Variants in SNIP1 observed in about 807,000 individuals in gnomAD.
SNIP1 encodes Smad nuclear interacting protein 1, also known as smad nuclear-interacting protein 1.
SNIP1 carries 23 observed loss-of-function variants against 37.4 expected under a neutral mutation model. That is an observed-to-expected ratio of 0.61 (90% CI 0.44 to 0.87). The LOEUF (loss-of-function observed/expected upper bound fraction) is 0.87, where lower values mean the gene tolerates loss of function less well. Among genes scored for constraint, SNIP1 ranks in the 40% least tolerant of loss-of-function variants. The pLI is 0.00. For missense variants in SNIP1, 459 were observed against 540.4 expected (o/e 0.85, Z 1.49); for synonymous variants, 174 against 200.0 (o/e 0.87, Z 1.10).
chr1:37,550,703 G>A (rs908748449), intron 2 of SNIP1, among the ~76,000 whole-genome samples: 2 of 150,436 alleles, frequency 1.3e-5, no homozygotes, highest in African/African-American at 2.4e-5. Flanking sequence ...GTGAAACTCC[G>A]TCTCAAAAAA....
chr1:37,543,914 G>C (rs977030767), intron 2 of SNIP1, among the ~76,000 whole-genome samples: 2 of 152,114 alleles, frequency 1.3e-5, no homozygotes, highest in Non-Finnish European at 2.9e-5. Context: ...GGCAAGGGGG[G>C]GGGCAGGTCA....
chr1:37,534,450 G>T lies in SNIP1; in HGVS notation c.*3298C>A, dbSNP rs1012822020. 6.6e-6 allele frequency: 1 copy of T among 152,196 alleles called. No homozygotes were observed. The highest frequency in any genetic ancestry group is 2.4e-5 in the African/African-American group (1 of 41,452). 9.4% of individuals were successfully genotyped at this position (152,196 alleles called of 1,614,324 possible). A position where few individuals can be genotyped will look rare whatever the true frequency, so the allele number is the denominator to read the frequency against. On this transcript the variant is annotated 3_prime_UTR_variant, in exon 4 of 4. Transcript: ENST00000296215. ...GGAAATTTTACCCAAGAGACCAAAT[G>T]AAGCTTTACATTCCAAAACTTTAAT...
At chr1:37,545,268 C>T in intron 2 of SNIP1, 1 of 637,038 alleles carries the variant, frequency 1.6e-6, no homozygotes, top group Non-Finnish European at 2.9e-6. Context: ...CTCTGACAAG[C>T]ACACCCCGGG....
intron 2 of SNIP1, among the ~76,000 whole-genome samples, chr1:37,543,908 A>AGGGG (rs758291801): frequency 2.7e-5 from 4 of 148,828 alleles, no homozygotes; most frequent in African/African-American, 9.9e-5. Context: ...TGGGAGGGCA[A>AGGGG]GGGGGGGGGC....
Position 37,554,286 on chromosome 1 carries a change from GA to G in SNIP1, c.-58del. ...ATCAGTTGAGCTCCTCTAGCTGGAG[GA>G]AATGACGAGTTTAACTCCTGGACTT... On this transcript the variant is annotated 5_prime_UTR_variant, in exon 1 of 4. Coordinates refer to ENST00000296215, the MANE Select transcript of SNIP1 (RefSeq NM_024700.4). 3 of 1,508,650 alleles carry G rather than the reference GA, an allele frequency of 2.0e-6. No homozygotes were observed. The highest frequency in any genetic ancestry group is 1.8e-6 in the Non-Finnish European group (2 of 1,122,114). 93.5% of individuals were successfully genotyped at this position (1,508,650 alleles called of 1,614,324 possible).
chr1:37,544,736 C>T (rs183094440), intron 2 of SNIP1: 55 of 652,142 alleles, frequency 8.4e-5, no homozygotes, highest in African/African-American at 5.7e-4. Flanking sequence ...GTGCAGCCAC[C>T]GCCGCACAGC....
Position 37,535,182 on chromosome 1 carries a change from C to T in SNIP1, c.*2566G>A. 8.0e-6 allele frequency: 1 copy of T among 124,732 alleles called. No individual in the cohort carries two copies. 7.7% of individuals were successfully genotyped at this position (124,732 alleles called of 1,614,324 possible). A position where few individuals can be genotyped will look rare whatever the true frequency, so the allele number is the denominator to read the frequency against. ...GTCAGGAGTTCGAGACCAGCCTGGC[C>T]AATATGGTGAAACCCCATCTCTACT... On this transcript the variant is annotated 3_prime_UTR_variant, in exon 4 of 4. Transcript: ENST00000296215.
chr1:37,552,545 C>T, intron 2 of SNIP1, 100 bp downstream of exon 2: 1 of 983,882 alleles, frequency 1.0e-6, no homozygotes, highest in Admixed American at 1.8e-5. Flanking sequence ...AGCGTACGTG[C>T]ACATGTGTGC....
rs777731163 is a variant in SNIP1, at chr1:37,540,432, CTCTT to C, written c.647_650del (p.Lys216ArgfsTer26). 6.2e-7 allele frequency: 1 copy of C among 1,614,108 alleles called. No individual in the cohort carries two copies. Among genetic ancestry groups the C allele is most frequent in the Admixed American group, 1.7e-5 (1 of 60,004 alleles). Reference sequence around the variant, plus strand: ...AGCTTGGTTTTTCTTTAGCGGGCACCTCTTTTTCTTTGTTGTTGCCACCAGGCCG... The same window carrying C: ...AGCTTGGTTTTTCTTTAGCGGGCACCTTTCTTTGTTGTTGCCACCAGGCCG... On this transcript the variant is annotated frameshift_variant, in exon 3 of 4. Transcript: ENST00000296215. LOFTEE classifies it high-confidence loss of function. The surrounding 1 kb of genome is among the most constrained non-coding windows in gnomAD (Gnocchi z 5.6).
intron 2 of SNIP1, chr1:37,545,432 T>G (rs546570441): frequency 2.9e-6 from 1 of 345,258 alleles, no homozygotes; most frequent in Non-Finnish European, 5.5e-6. Context: ...TTTGTACCAT[T>G]CCTTCAAATA....
At chr1:37,541,952 T>C (rs572307707) in intron 2 of SNIP1, among the ~76,000 whole-genome samples, 2 of 145,662 alleles carry the variant, frequency 1.4e-5, no homozygotes, top group Admixed American at 1.4e-4. Context: ...AATTTCACAA[T>C]AGAAGATTCA....
At chr1:37,545,420 G>T in intron 2 of SNIP1, 2 of 367,966 alleles carry the variant, frequency 5.4e-6, no homozygotes, top group African/African-American at 2.2e-5. Flanking sequence ...CACTTAAGCT[G>T]ATTTGTACCA....
chr1:37,545,461 C>T (rs1486536655), intron 2 of SNIP1, among the ~76,000 whole-genome samples: 22 of 146,424 alleles, frequency 1.5e-4, no homozygotes, highest in Non-Finnish European at 2.8e-4. Context: ...TGGTACCCCC[C>T]GCCCCCACCA....
chr1:37,540,336 G>C lies in SNIP1; in HGVS notation c.747C>G (p.Pro249=), dbSNP rs776438133. Residue 249 remains proline (P), a synonymous_variant, in exon 3 of 4, where the codon CCC becomes CCG. Coordinates refer to ENST00000296215, the MANE Select transcript of SNIP1 (RefSeq NM_024700.4). This position sits in a 1 kb window ranked among gnomAD's most constrained non-coding sequence, Gnocchi z 5.6. ...GTTTTTTGGGGATACGTGCTTCTGG[G>C]GGCTCACTATATTTAATGACTACAC... ...FRGVVIKYSE[P]PEARIPKKRW... is the part of the protein sequence containing the mutation. 2 of 1,614,072 alleles carry C rather than the reference G, an allele frequency of 1.2e-6. No individual in the cohort carries two copies. Among genetic ancestry groups the C allele is most frequent in the Middle Eastern group, 1.6e-4 (1 of 6,062 alleles).
At chr1:37,539,249 G>A (rs1400000969) in intron 3 of SNIP1, among the ~76,000 whole-genome samples, 1 of 152,202 alleles carries the variant, frequency 6.6e-6, no homozygotes, top group Non-Finnish European at 1.5e-5. Flanking sequence ...TGGAAAAACT[G>A]TCTTCCATGA....
Position 37,540,822 on chromosome 1 carries a change from CT to C in SNIP1, c.328-68del. On this transcript the variant is annotated intron_variant, in intron 2 of 3. Transcript: ENST00000296215. This position sits in a 1 kb window ranked among gnomAD's most constrained non-coding sequence, Gnocchi z 5.6. ...ATCTAAAGGCAGCCCAAATCTTGTT[CT>C]TTTTGAACGAAGTGCATGCAAAAAG... 6.9e-7 allele frequency: 1 copy of C among 1,444,472 alleles called. No homozygotes were observed. The highest frequency in any genetic ancestry group is 9.2e-7 in the Non-Finnish European group (1 of 1,084,416). 89.5% of individuals were successfully genotyped at this position (1,444,472 alleles called of 1,614,324 possible).
In SNIP1 at chr1:37,537,755, TCAGA is replaced by T. The variant is rs775819004; in HGVS notation, c.1180_1183del (p.Ser394ThrfsTer38). The T allele has an allele frequency of 1.2e-6, 2 of 1,612,858 alleles. No homozygotes were observed. The highest frequency in any genetic ancestry group is 1.7e-6 in the Non-Finnish European group (2 of 1,179,412). On this transcript the variant is annotated frameshift_variant, in exon 4 of 4. Coordinates refer to ENST00000296215, the MANE Select transcript of SNIP1 (RefSeq NM_024700.4). LOFTEE classifies it high-confidence loss of function. ...GTTTGGGTTCTTAGTTTGCTAGCTG[TCAGA>T]CACTTCTTCCTCCTCCTCCTCATCC...
At chr1:37,542,490 C>T (rs141312170) in intron 2 of SNIP1, among the ~76,000 whole-genome samples, 47 of 152,336 alleles carry the variant, frequency 3.1e-4, no homozygotes, top group African/African-American at 1.1e-3. Flanking sequence ...CTTGTAATCC[C>T]AGCACTTTGG....
chr1:37,551,074 GACAC>G (rs55724495), intron 2 of SNIP1, among the ~76,000 whole-genome samples: 11,739 of 143,922 alleles, frequency 0.082, 500 homozygotes, highest in South Asian at 0.16. Context: ...CAGCCTGGGT[GACAC>G]ACACACACAC....
Sources: gnomAD v4.1 joint callset for allele counts (sites outside exome capture counted in the v4.1 genomes callset) on GRCh38, gnomAD v4.1.1 for gene constraint, Gnocchi (gnomAD v3.1) non-coding constraint, MANE v1.5 for transcripts, NCBI Gene and HGNC (gene_info 2026-07-23, HGNC 2026-07-21) for gene names.